Variants in MTX2 observed in about 807,000 individuals in gnomAD.
MTX2 encodes metaxin-2.
MTX2 carries 35 observed loss-of-function variants against 42.3 expected under a neutral mutation model. That is an observed-to-expected ratio of 0.83 (90% confidence interval 0.63 to 1.10). MTX2 has a LOEUF of 1.10. MTX2 is among the 50% of genes least tolerant of loss of function. MTX2 has a pLI of 0.00. For missense variants in MTX2, 307 were observed against 304.1 expected (o/e 1.01, Z -0.07); for synonymous variants, 119 against 100.9 (o/e 1.18, Z -1.08).
chr2:176,317,038 T>TAAAA (rs1225860273), intron 3 of MTX2, among the ~76,000 whole-genome samples: 22 of 144,312 alleles, frequency 1.5e-4, no homozygotes, highest in African/African-American at 4.4e-4. Context: ...GTGTCTTTTT[T>TAAAA]AAAAAAAAAA....
At chr2:176,329,124 A>T (rs1388110814) in intron 7 of MTX2, among the ~76,000 whole-genome samples, 177 bp from the exon 8 acceptor site, 2 of 151,290 alleles carry the variant, frequency 1.3e-5, no homozygotes, top group African/African-American at 4.8e-5. Context: ...ATAAAAGTTT[A>T]TATATTTTTA....
intron 4 of MTX2, among the ~76,000 whole-genome samples, chr2:176,324,722 A>G (rs1441177434): frequency 6.6e-6 from 1 of 151,718 alleles, no homozygotes; most frequent in African/African-American, 2.4e-5. Context: ...TCATTTAGGT[A>G]GATACCTATT....
chr2:176,310,272 T>TCTG (rs199719935), intron 3 of MTX2, among the ~76,000 whole-genome samples: 42,788 of 151,290 alleles, frequency 0.28, 6,601 homozygotes, highest in African/African-American at 0.41. Context: ...TGCCGAGAGA[T>TCTG]CTGTTAGTCT....
intron 1 of MTX2, among the ~76,000 whole-genome samples, chr2:176,293,236 C>G (rs1693366307): frequency 6.6e-6 from 1 of 152,046 alleles, no homozygotes; most frequent in South Asian, 2.1e-4. Flanking sequence ...AATGATCAGT[C>G]TTAAGAAAAA....
intron 4 of MTX2, among the ~76,000 whole-genome samples, chr2:176,324,872 G>A (rs1684673329): frequency 6.6e-6 from 1 of 151,676 alleles, no homozygotes; most frequent in Admixed American, 6.6e-5. Context: ...TCATATCTCA[G>A]ATTGGTATTC....
chr2:176,337,441 A>G (rs1043767491), intron 9 of MTX2, 52 bp from the exon 10 acceptor site: 9 of 1,456,120 alleles, frequency 6.2e-6, no homozygotes, highest in Admixed American at 4.2e-5. Flanking sequence ...TGTGTTTTCT[A>G]TTGTAAAAGT....
At chr2:176,294,726 G>T (rs1315214556) in intron 1 of MTX2, among the ~76,000 whole-genome samples, 3 of 152,120 alleles carry the variant, frequency 2.0e-5, no homozygotes, top group African/African-American at 7.2e-5. Context: ...GTATGTAAAG[G>T]TTGGTGCAAA....
chr2:176,312,196 A>G (rs557105576), intron 3 of MTX2, among the ~76,000 whole-genome samples: 3 of 152,376 alleles, frequency 2.0e-5, no homozygotes, highest in East Asian at 3.9e-4. Context: ...CTCTGAACCC[A>G]TAAAATTACA....
At chr2:176,304,305 G>A (rs1307984285) in intron 3 of MTX2, 3 of 154,322 alleles carry the variant, frequency 1.9e-5, no homozygotes, top group African/African-American at 7.2e-5. Flanking sequence ...GAGTACTTCT[G>A]CAGTGTGAAA....
chr2:176,298,623 T>G (rs1683949189), intron 3 of MTX2, among the ~76,000 whole-genome samples: 1 of 152,166 alleles, frequency 6.6e-6, no homozygotes, highest in Non-Finnish European at 1.5e-5. Flanking sequence ...ACTTAGCTTG[T>G]GTAGTTTAAC....
intron 9 of MTX2, among the ~76,000 whole-genome samples, chr2:176,333,685 A>G (rs1684913107): frequency 6.6e-6 from 1 of 151,730 alleles, no homozygotes; most frequent in African/African-American, 2.4e-5. Context: ...TGGACCAAAT[A>G]TATGATGATG....
chr2:176,280,546 G>A (rs1693054416), intron 1 of MTX2, among the ~76,000 whole-genome samples: 1 of 152,140 alleles, frequency 6.6e-6, no homozygotes. Flanking sequence ...AGTGGCACAA[G>A]GTGAGATATA....
At chr2:176,300,666 A>G (rs1236850455) in intron 3 of MTX2, among the ~76,000 whole-genome samples, 1 of 152,158 alleles carries the variant, frequency 6.6e-6, no homozygotes, top group Admixed American at 6.6e-5. Flanking sequence ...GATTGAGTAT[A>G]TGCTGTCTTT....
At chr2:176,323,361 C>T in intron 3 of MTX2, 31 bp from the exon 4 acceptor site, 3 of 1,573,420 alleles carry the variant, frequency 1.9e-6, no homozygotes, top group Non-Finnish European at 2.6e-6. Context: ...ATGCTTTTTA[C>T]TGGGCTTATT....
intron 1 of MTX2, among the ~76,000 whole-genome samples, chr2:176,291,492 TAAAC>T (rs1289244065): frequency 6.6e-6 from 1 of 152,116 alleles, no homozygotes; most frequent in East Asian, 1.9e-4. Context: ...ATGGAGAAGA[TAAAC>T]AAATACTTAA....
Position 176,326,843 on chromosome 2 carries a change from A to G in MTX2, c.227A>G (p.His76Arg), listed in dbSNP as rs149112990. 1.9e-4 allele frequency: 305 copies of G among 1,571,860 alleles called. No individual in the cohort carries two copies. In the African/African-American group the frequency reaches 4.0e-3, roughly 21 times the overall value. The change falls in exon 5 of 10, where the codon CAT (histidine) becomes CGT (arginine). Residue 76 changes from histidine (H) to arginine (R), a missense_variant. Physicochemically the swap from His to Arg is conservative, Grantham distance 29 (BLOSUM62 0). Transcript: ENST00000249442. ...TCAACAGGTAAAGTACCTTTTATTC[A>G]TGTGGGAAATCAAGTAGTATCAGAA... is the stretch of plus-strand genomic sequence containing the variant. ...MSPSGKVPFI[H>R]VGNQVVSELG...
At chr2:176,331,722 GAT>G (rs1004311743) in intron 9 of MTX2, among the ~76,000 whole-genome samples, 1 of 151,142 alleles carries the variant, frequency 6.6e-6, no homozygotes, top group Non-Finnish European at 1.5e-5. Context: ...TGTTTCTAGT[GAT>G]GTTTGCTCTA....
intron 3 of MTX2, among the ~76,000 whole-genome samples, chr2:176,310,287 G>C (rs949527417): frequency 1.3e-5 from 2 of 151,980 alleles, no homozygotes; most frequent in Non-Finnish European, 2.9e-5. Flanking sequence ...TAGTCTGATG[G>C]GCCTCCCTTT....
At chr2:176,293,309 G>A (rs1333505243) in intron 1 of MTX2, among the ~76,000 whole-genome samples, 2 of 152,122 alleles carry the variant, frequency 1.3e-5, no homozygotes, top group African/African-American at 4.8e-5. Flanking sequence ...AAAGTTATTT[G>A]TTGCTATGTC....
Sources: allele counts gnomAD v4.1 joint callset (sites outside exome capture counted in the v4.1 genomes callset), GRCh38; gene constraint gnomAD v4.1.1; transcripts MANE v1.5; gene names NCBI Gene and HGNC (gene_info 2026-07-23, HGNC 2026-07-21).